The following CHRNA7 variants were observed in gnomAD, a reference collection of about 807,000 sequenced individuals.
CHRNA7 encodes the protein neuronal acetylcholine receptor subunit alpha-7.
A neutral mutation model predicts 48.0 loss-of-function variants in CHRNA7; 17 were observed. That is an observed-to-expected ratio of 0.35 (90% CI 0.24 to 0.53). The LOEUF (loss-of-function observed/expected upper bound fraction) is 0.53, where lower values mean the gene tolerates loss of function less well. CHRNA7 is among the 20% of genes least tolerant of loss of function. CHRNA7 has a pLI of 0.92. For synonymous variants in CHRNA7, 75 were observed against 242.3 expected (o/e 0.31, Z 6.41); for missense variants, 155 against 577.7 (o/e 0.27, Z 7.50).
At chr15:32,052,684 G>A (rs1454124493) in intron 2 of CHRNA7, among the ~76,000 whole-genome samples, 17 of 152,174 alleles carry the variant, frequency 1.1e-4, no homozygotes, top group African/African-American at 3.9e-4. Context: ...AGCCGAGATC[G>A]CGCCACTGCA....
At chr15:32,058,820 T>A (rs1020435364) in intron 2 of CHRNA7, among the ~76,000 whole-genome samples, 9 of 152,160 alleles carry the variant, frequency 5.9e-5, no homozygotes, top group African/African-American at 2.2e-4. Context: ...TATATCACTG[T>A]GTATATTTGA....
rs578198751 is a variant in CHRNA7, at chr15:32,097,006, G to A, written c.196-4297G>A. Among the ~76,000 whole-genome samples the A allele has an allele frequency of 5.9e-5, 7 of 118,658 alleles. No individual in the cohort carries two copies. In the South Asian group the frequency reaches 7.8e-4, roughly 13 times the overall value. 77.8% of individuals were successfully genotyped at this position (118,658 alleles called of 152,430 possible). ...GGAGTGTAGATCTTGCAGGAGAGCC[G>A]TGTGTGTGAGTAGCCACGTGGTGAC... On this transcript the variant is annotated intron_variant, in intron 2 of 9. Coordinates refer to ENST00000306901, the MANE Select transcript of CHRNA7 (RefSeq NM_000746.6).
At chr15:32,102,048 A>G (rs1361212323) in intron 3 of CHRNA7, 1 of 152,122 alleles carries the variant, frequency 6.6e-6, no homozygotes, top group African/African-American at 2.4e-5. Flanking sequence ...TTCTCTTTGC[A>G]CATGCATTTC....
intron 2 of CHRNA7, among the ~76,000 whole-genome samples, chr15:32,057,465 G>C (rs2049805463): frequency 6.6e-6 from 1 of 152,164 alleles, no homozygotes; most frequent in African/African-American, 2.4e-5. Flanking sequence ...GCTGTAATTA[G>C]GTAATGAACA....
intron 2 of CHRNA7, among the ~76,000 whole-genome samples, chr15:32,036,777 T>TG (rs1379852177): frequency 4.0e-5 from 6 of 149,050 alleles, no homozygotes; most frequent in African/African-American, 1.5e-4. Context: ...TCAGTGGGTT[T>TG]TTTTTTTTTT....
At chr15:32,107,869 C>T (rs2050697053) in intron 3 of CHRNA7, among the ~76,000 whole-genome samples, 1 of 152,150 alleles carries the variant, frequency 6.6e-6, no homozygotes, top group South Asian at 2.1e-4. Flanking sequence ...AGGTGCCCAA[C>T]CCTAAGTCAC....
intron 3 of CHRNA7, among the ~76,000 whole-genome samples, chr15:32,105,457 GGA>G (rs777603857): frequency 6.7e-6 from 1 of 149,654 alleles, no homozygotes; most frequent in Non-Finnish European, 1.5e-5. Context: ...AGGAGGAAGA[GGA>G]GGAGGAAGAG....
At chr15:32,135,809 G>C (rs1345637089) in intron 4 of CHRNA7, among the ~76,000 whole-genome samples, 2 of 152,178 alleles carry the variant, frequency 1.3e-5, no homozygotes, top group Non-Finnish European at 2.9e-5. Flanking sequence ...GCCAAAAAAA[G>C]ATCCTAGAAG....
chr15:32,105,287 G>A (rs1322085611), intron 3 of CHRNA7, among the ~76,000 whole-genome samples: 5 of 152,100 alleles, frequency 3.3e-5, no homozygotes, highest in Non-Finnish European at 7.3e-5. Flanking sequence ...CTACCTTTAA[G>A]CCATTTATGA....
At chr15:32,046,846 A>C (rs1008929828) in intron 2 of CHRNA7, among the ~76,000 whole-genome samples, 1,920 of 151,908 alleles carry the variant, frequency 0.013, 36 homozygotes, top group African/African-American at 0.044. Context: ...TAATTTTTGT[A>C]TAAGGTGTAA....
At chr15:32,059,618 T>C (rs1347573370) in intron 2 of CHRNA7, among the ~76,000 whole-genome samples, 1 of 152,176 alleles carries the variant, frequency 6.6e-6, no homozygotes, top group Non-Finnish European at 1.5e-5. Flanking sequence ...AAATTAAATT[T>C]AGAAGCCACA....
intron 4 of CHRNA7, among the ~76,000 whole-genome samples, chr15:32,136,605 G>A (rs567470575): frequency 6.6e-6 from 1 of 152,098 alleles, no homozygotes; most frequent in Non-Finnish European, 1.5e-5. Flanking sequence ...ATATGACTCT[G>A]GAAGGCCATG....
chr15:32,152,441 T>C (rs1163369531), intron 4 of CHRNA7, among the ~76,000 whole-genome samples: 1 of 151,554 alleles, frequency 6.6e-6, no homozygotes, highest in Non-Finnish European at 1.5e-5. Context: ...AGACTCCATT[T>C]CAAAAAAAAA....
intron 4 of CHRNA7, among the ~76,000 whole-genome samples, chr15:32,112,562 G>A (rs969128431): frequency 7.2e-5 from 11 of 152,174 alleles, no homozygotes; most frequent in Admixed American, 1.3e-4. Context: ...AAAATTTCTC[G>A]TTAAACTGCA....
chr15:32,141,219 A>G (rs1454811771), intron 4 of CHRNA7, among the ~76,000 whole-genome samples: 1 of 152,184 alleles, frequency 6.6e-6, no homozygotes, highest in Non-Finnish European at 1.5e-5. Context: ...TTTGTCAAAG[A>G]TCAGATGGTT....
intron 2 of CHRNA7, among the ~76,000 whole-genome samples, chr15:32,046,097 T>G (rs2049539596): frequency 6.6e-6 from 1 of 152,100 alleles, no homozygotes; most frequent in Non-Finnish European, 1.5e-5. Context: ...GTTCCAAGTC[T>G]TTGCTATTGT....
chr15:32,030,735 A>G (rs550872541), intron 1 of CHRNA7, 86 bp downstream of exon 1: 32 of 1,524,530 alleles, frequency 2.1e-5, no homozygotes, highest in African/African-American at 1.1e-4. Flanking sequence ...CGCCTGGGCC[A>G]GGTTTGGGAT....
Position 32,031,030 on chromosome 15 carries a change from T to C in CHRNA7, c.188T>C (p.Met63Thr). 6.2e-7 allele frequency: 1 copy of C among 1,614,148 alleles called. No individual in the cohort carries two copies. The highest frequency in any genetic ancestry group is 8.5e-7 in the Non-Finnish European group (1 of 1,179,992). The change falls in exon 2 of 10, where the codon ATG (methionine) becomes ACG (threonine). Residue 63 changes from methionine to threonine, a missense_variant. Transcript: ENST00000306901. ...VYFSLSLLQIMDVDEKNQVLT... is the reference protein window; with the variant it reads ...VYFSLSLLQITDVDEKNQVLT... ...TTCTCCCTGAGCCTCCTGCAGATCA[T>C]GGACGTGGTGAGTCCCGCCTGGCTA... is the stretch of plus-strand genomic sequence containing the variant.
At chr15:32,123,592 G>A (rs1021682283) in intron 4 of CHRNA7, among the ~76,000 whole-genome samples, 2 of 152,164 alleles carry the variant, frequency 1.3e-5, no homozygotes, top group African/African-American at 4.8e-5. Flanking sequence ...CTGGGAGCGA[G>A]CCTGGCATAA....
Sources: allele counts gnomAD v4.1 joint callset (sites outside exome capture counted in the v4.1 genomes callset), GRCh38; gene constraint gnomAD v4.1.1; transcripts MANE v1.5; gene names NCBI Gene and HGNC (gene_info 2026-07-23, HGNC 2026-07-21).